The following USH2A variants were observed in gnomAD, a reference collection of about 807,000 sequenced individuals.
The protein encoded by USH2A is Usher syndrome 2A (autosomal recessive, mild).
Under a neutral mutation model 538.9 loss-of-function variants are expected in USH2A, and 443 were observed. The observed-to-expected ratio is 0.82, with a 90% CI of 0.76 to 0.89. USH2A has a LOEUF of 0.89. Among genes scored for constraint, USH2A ranks in the 40% least tolerant of loss-of-function variants. USH2A has a pLI of 0.00. For synonymous variants in USH2A, 2,413 were observed against 2,273.5 expected, an observed-to-expected ratio of 1.06 and a Z score of -1.75; for missense variants, 6,633 against 6,324.8, an observed-to-expected ratio of 1.05 and a Z score of -1.65.
intron 44 of USH2A, among the ~76,000 whole-genome samples, chr1:215,851,613 A>G (rs1368380925): frequency 3.3e-5 from 5 of 152,172 alleles, no homozygotes; most frequent in Non-Finnish European, 4.4e-5. Context: ...CAGATGTTCA[A>G]AGAAGAATGG....
intron 71 of USH2A, among the ~76,000 whole-genome samples, chr1:215,626,072 A>G (rs1292189782): frequency 6.6e-6 from 1 of 151,966 alleles, no homozygotes; most frequent in African/African-American, 2.4e-5. Context: ...CATGAACTAT[A>G]GACTAATTCA....
chr1:215,919,372 T>G (rs1666039101), intron 38 of USH2A, among the ~76,000 whole-genome samples: 1 of 152,066 alleles, frequency 6.6e-6, no homozygotes, highest in Non-Finnish European at 1.5e-5. Flanking sequence ...TCAGTGTCAA[T>G]CCTGTGAGAT....
chr1:215,777,571 C>T (rs1288331127), intron 55 of USH2A, among the ~76,000 whole-genome samples: 3 of 152,194 alleles, frequency 2.0e-5, no homozygotes, highest in African/African-American at 7.2e-5. Flanking sequence ...ATTGCTTACT[C>T]CAAGTGACTC....
chr1:216,070,995 G>T (rs752874133), intron 29 of USH2A, among the ~76,000 whole-genome samples: 1 of 152,056 alleles, frequency 6.6e-6, no homozygotes, highest in Non-Finnish European at 1.5e-5. Flanking sequence ...CTTACAAGCT[G>T]AGCCCCCTAA....
At chr1:216,123,994 AAAG>A (rs1456175297) in intron 21 of USH2A, among the ~76,000 whole-genome samples, 2 of 152,158 alleles carry the variant, frequency 1.3e-5, no homozygotes, top group African/African-American at 4.8e-5. Flanking sequence ...TATGTTCTAT[AAAG>A]AAGATCCTCT....
intron 21 of USH2A, among the ~76,000 whole-genome samples, chr1:216,123,127 A>G (rs1383650488): frequency 6.6e-6 from 1 of 152,242 alleles, no homozygotes; most frequent in Non-Finnish European, 1.5e-5. Flanking sequence ...CAGAAAGATT[A>G]TCCAATACTA....
At chr1:216,031,448 A>G (rs1199676312) in intron 32 of USH2A, among the ~76,000 whole-genome samples, 2 of 152,186 alleles carry the variant, frequency 1.3e-5, no homozygotes, top group African/African-American at 4.8e-5. Flanking sequence ...AATACAATAC[A>G]ATAGAGCTGT....
rs749609528 is a variant in USH2A, at chr1:216,421,971, G to T, written c.366C>A (p.Ser122Arg). Reference protein sequence around the residue: ...DKNDLHPNAHSNSASFIFGNH... With the variant: ...DKNDLHPNAHRNSASFIFGNH... ...TTCCAAAAATAAAACTTGCAGAATTGCTATGGGCGTTAGGATGCAGATCAT... is the reference window on the plus strand; with the variant it reads ...TTCCAAAAATAAAACTTGCAGAATTTCTATGGGCGTTAGGATGCAGATCAT... The change falls in exon 2 of 72, where the codon AGC becomes AGA. Residue 122 changes from serine to arginine, a missense_variant. Ser to Arg is a moderately radical substitution (Grantham distance 110). Transcript: ENST00000307340. 3.7e-6 allele frequency: 6 copies of T among 1,613,932 alleles called. No individual in the cohort carries two copies. The highest frequency in any genetic ancestry group is 4.2e-6 in the Non-Finnish European group (5 of 1,179,910).
chr1:216,248,526 A>G (rs1021074997), intron 12 of USH2A, among the ~76,000 whole-genome samples: 1 of 152,038 alleles, frequency 6.6e-6, no homozygotes, highest in African/African-American at 2.4e-5. Flanking sequence ...CTAAACTGGA[A>G]GGAAATACAT....
intron 21 of USH2A, among the ~76,000 whole-genome samples, chr1:216,116,490 A>C (rs77278945): frequency 0.021 from 3,177 of 152,262 alleles, 110 homozygotes; most frequent in African/African-American, 0.07. Context: ...CCAAAAGGAC[A>C]TTAAAGAATT....
intron 21 of USH2A, among the ~76,000 whole-genome samples, chr1:216,160,314 A>G (rs2034031702): frequency 6.6e-6 from 1 of 152,112 alleles, no homozygotes; most frequent in Non-Finnish European, 1.5e-5. Context: ...GATATTGTCC[A>G]TCCTACAATG....
At chr1:216,370,677 C>CAAAAAAAAAAAAAAAAAAAAAAAAA (rs58845914) in intron 3 of USH2A, among the ~76,000 whole-genome samples, 1 of 30,000 alleles carries the variant, frequency 3.3e-5, no homozygotes, top group African/African-American at 1.1e-4. Context: ...GACTCTGTCT[C>CAAAAAAAAAAAAAAAAAAAAAAAAA]AAAAAAAAAA....
chr1:216,205,457 T>G (rs1378265616), intron 16 of USH2A, among the ~76,000 whole-genome samples: 1 of 152,148 alleles, frequency 6.6e-6, no homozygotes, highest in African/African-American at 2.4e-5. Flanking sequence ...TGAAGAGACA[T>G]GTAGAGCCAA....
chr1:215,974,766 G>A (rs1445288938), intron 35 of USH2A, among the ~76,000 whole-genome samples: 1 of 152,030 alleles, frequency 6.6e-6, no homozygotes, highest in African/African-American at 2.4e-5. Context: ...CTGATTCCAT[G>A]TCTTTGCTCT....
chr1:215,922,926 G>C (rs1475745687), intron 38 of USH2A, among the ~76,000 whole-genome samples: 1 of 152,062 alleles, frequency 6.6e-6, no homozygotes, highest in Non-Finnish European at 1.5e-5. Context: ...TGGAGAAACA[G>C]CTCAGAAGAT....
chr1:216,342,127 A>G (rs1053184520), intron 4 of USH2A, among the ~76,000 whole-genome samples: 1 of 152,190 alleles, frequency 6.6e-6, no homozygotes, highest in Non-Finnish European at 1.5e-5. Flanking sequence ...CAGAATCTGC[A>G]AGGAACTTAA....
chr1:216,212,782 T>TGAATA (rs2035269103), intron 15 of USH2A, among the ~76,000 whole-genome samples: 1 of 151,954 alleles, frequency 6.6e-6, no homozygotes, highest in East Asian at 1.9e-4. Context: ...TCACCTTTAT[T>TGAATA]TCCTCTACCC....
chr1:215,734,260 G>T (rs1660088269), intron 60 of USH2A, among the ~76,000 whole-genome samples: 1 of 152,170 alleles, frequency 6.6e-6, no homozygotes. Context: ...CCTTCGAGCT[G>T]CAGCTGCAGC....
intron 14 of USH2A, among the ~76,000 whole-genome samples, chr1:216,228,603 T>C (rs1328107936): frequency 1.3e-5 from 2 of 152,184 alleles, no homozygotes; most frequent in Non-Finnish European, 2.9e-5. Context: ...TCTGCCACCA[T>C]GTGAGACGTG....
Sources: allele counts gnomAD v4.1 joint callset (sites outside exome capture counted in the v4.1 genomes callset), GRCh38; gene constraint gnomAD v4.1.1; transcripts MANE v1.5; gene names NCBI Gene and HGNC (gene_info 2026-07-23, HGNC 2026-07-21).